The following CYP2W1 variants were observed in gnomAD, a reference collection of about 807,000 sequenced individuals.
CYP2W1 encodes cytochrome P450 2W1.
Under a neutral mutation model 44.9 loss-of-function variants are expected in CYP2W1, and 51 were observed. That is an observed-to-expected ratio of 1.14 (90% CI 0.91 to 1.43). CYP2W1 has a LOEUF of 1.43. Among genes scored for constraint, CYP2W1 ranks in the 40% most tolerant of loss-of-function variants. CYP2W1 has a pLI of 0.00. For synonymous variants in CYP2W1, 383 were observed against 338.3 expected (o/e 1.13, Z -1.45); for missense variants, 746 against 700.0 (o/e 1.07, Z -0.74).
At chr7:988,155 G>A in intron 7 of CYP2W1, 122 bp from the exon 8 acceptor site, 1 of 1,209,198 alleles carries the variant, frequency 8.3e-7, no homozygotes, top group South Asian at 1.6e-5. Flanking sequence ...CACCTGCAAG[G>A]TGGGCTAACA....
intron 1 of CYP2W1, among the ~76,000 whole-genome samples, chr7:983,686 G>A (rs534970754): frequency 6.6e-6 from 1 of 152,364 alleles, no homozygotes; most frequent in Non-Finnish European, 1.5e-5. Flanking sequence ...CCCGCAGGAG[G>A]CCAGGCTTAG....
At position 987,667 on chromosome 7, in the gene CYP2W1, G is replaced by A. The variant is rs117050867; in HGVS notation, c.1143+136G>A. On this transcript the variant is annotated intron_variant, in intron 7 of 8. Coordinates refer to ENST00000308919, the MANE Select transcript of CYP2W1 (RefSeq NM_017781.3). Reference sequence around the variant, plus strand: ...TCCCCGACCGGAGGCAATAAAGGGCGTCCAGCCAGGAGCAGGAGGGAGGCA... The same window carrying A: ...TCCCCGACCGGAGGCAATAAAGGGCATCCAGCCAGGAGCAGGAGGGAGGCA... The A allele has an allele frequency of 1.8e-3, 1,565 of 890,748 alleles. 15 individuals carry two copies. In the East Asian group the frequency reaches 0.029, roughly 17 times the overall value. 55.2% of individuals were successfully genotyped at this position (890,748 alleles called of 1,614,324 possible).
intron 8 of CYP2W1, 56 bp from the exon 9 acceptor site, chr7:988,579 T>G: frequency 6.3e-7 from 1 of 1,596,800 alleles, no homozygotes. Context: ...TCCCCACCCC[T>G]CCCCTCCAGG....
chr7:985,411 C>A, intron 4 of CYP2W1, 88 bp downstream of exon 4: 1 of 1,385,016 alleles, frequency 7.2e-7, no homozygotes, highest in Non-Finnish European at 9.7e-7. Flanking sequence ...GTGCTGTCCC[C>A]TCTCAGCTTC....
At chr7:984,908 G>A in intron 2 of CYP2W1, 42 bp from the exon 3 acceptor site, 1 of 1,539,322 alleles carries the variant, frequency 6.5e-7, no homozygotes, top group South Asian at 1.2e-5. Flanking sequence ...GGGCTGGCTG[G>A]GGTGGGAACC....
intron 4 of CYP2W1, 91 bp from the exon 5 acceptor site, chr7:986,533 G>T: frequency 6.8e-7 from 1 of 1,477,288 alleles, no homozygotes; most frequent in Non-Finnish European, 9.3e-7. Flanking sequence ...GTCCCTGGGC[G>T]TGAACACAGC....
intron 4 of CYP2W1, 87 bp downstream of exon 4, chr7:985,410 CCT>C: frequency 7.1e-7 from 1 of 1,403,968 alleles, no homozygotes; most frequent in African/African-American, 1.4e-5. Context: ...AGTGCTGTCC[CCT>C]CTCAGCTTCT....
rs995482917 is a variant in CYP2W1 at position 985,003 on chromosome 7, C to T, written c.391C>T (p.Arg131Cys). ...GAGGGCTGCCCGCCAGTTCACGGTG[C>T]GTGCCCTGCACAGCCTGGGCGTGGG... ...RWRAARQFTVRALHSLGVGRE... is the reference protein window; with the variant it reads ...RWRAARQFTVCALHSLGVGRE... Residue 131 changes from arginine (R) to cysteine (C), a missense_variant, in exon 3 of 9, where the codon CGT becomes TGT. Physicochemically the swap from Arg to Cys is radical, Grantham distance 180. Transcript: ENST00000308919. 4 of 1,611,130 alleles carry T rather than the reference C, an allele frequency of 2.5e-6. No individual in the cohort carries two copies. Among genetic ancestry groups the T allele is most frequent in the African/African-American group, 1.3e-5 (1 of 74,922 alleles).
intron 5 of CYP2W1, 66 bp from the exon 6 acceptor site, chr7:987,041 G>T (rs1045152203): frequency 2.8e-6 from 4 of 1,432,708 alleles, no homozygotes; most frequent in East Asian, 5.1e-5. Context: ...CCAGGGCTGG[G>T]CTGGGTCTGT....
chr7:988,036 CTG>C (rs200069156), intron 7 of CYP2W1, among the ~76,000 whole-genome samples: 1 of 149,420 alleles, frequency 6.7e-6, no homozygotes, highest in African/African-American at 2.6e-5. Flanking sequence ...GGGGTCCCCT[CTG>C]TGTGTCCTGG....
Position 986,611 on chromosome 7 carries a change from G to A in CYP2W1, c.646-13G>A. 1 of 1,612,340 alleles carries A rather than the reference G, an allele frequency of 6.2e-7. No homozygotes were observed. Among genetic ancestry groups the A allele is most frequent in the Non-Finnish European group, 8.5e-7 (1 of 1,179,736 alleles). ...CTGCGTCCTTATCTCCGCTCCTCCT[G>A]CCTCCTGCCCAGCTGTTCAACGTCT... On this transcript the variant is annotated splice_polypyrimidine_tract_variant and intron_variant, in intron 4 of 8. Coordinates refer to ENST00000308919, the MANE Select transcript of CYP2W1 (RefSeq NM_017781.3).
intron 7 of CYP2W1, among the ~76,000 whole-genome samples, chr7:988,001 T>TGGGGGGGTCCCCTCTGTGTCCTG (rs148271054): frequency 8.4e-4 from 46 of 54,938 alleles, no homozygotes; most frequent in African/African-American, 5.2e-3. Context: ...CTGTGTGTCC[T>TGGGGGGGTCCCCTCTGTGTCCTG]GGGGGGTCCC....
rs1848161206 is a variant in CYP2W1, at chr7:984,380, G to T, written c.175-32G>T. ...CCTAAGGGGGGTCTTGTGGGTGAGG[G>T]CTGCCCGGGTGACCCCCGCCATCCC... On this transcript the variant is annotated intron_variant, in intron 1 of 8. Coordinates refer to ENST00000308919, the MANE Select transcript of CYP2W1 (RefSeq NM_017781.3). The T allele has an allele frequency of 1.9e-6, 3 of 1,541,308 alleles. No homozygotes were observed. The African/African-American group carries it at 4.1e-5, about 21-fold the overall frequency.
In CYP2W1 at chr7:988,418, G is replaced by C; in HGVS notation, c.1285G>C (p.Gly429Arg). 1 of 1,612,516 alleles carries C rather than the reference G, an allele frequency of 6.2e-7. No individual in the cohort carries two copies. Among genetic ancestry groups the C allele is most frequent in the Non-Finnish European group, 8.5e-7 (1 of 1,179,810 alleles). ...KREAFLPFSA[G>R]RRVCVGERLA... is the part of the protein sequence containing the mutation. ...GGAGGCCTTCCTGCCTTTCTCTGCA[G>C]GTCAGCAGCCCTCGGGGCCGGGGTG... The change falls in exon 8 of 9, where the codon GGC (glycine) becomes CGC (arginine). Residue 429 changes from glycine to arginine, a missense_variant and splice_region_variant. Coordinates refer to ENST00000308919, the MANE Select transcript of CYP2W1 (RefSeq NM_017781.3).
intron 2 of CYP2W1, among the ~76,000 whole-genome samples, 166 bp downstream of exon 2, chr7:984,740 G>T (rs960939392): frequency 6.6e-6 from 1 of 152,354 alleles, no homozygotes; most frequent in East Asian, 1.9e-4. Flanking sequence ...TGTCCACACA[G>T]CAGGTCAGGT....
At chr7:986,584 G>C (rs1425328514) in intron 4 of CYP2W1, 40 bp from the exon 5 acceptor site, 2 of 1,608,300 alleles carry the variant, frequency 1.2e-6, no homozygotes, top group Non-Finnish European at 1.7e-6. Context: ...GCAGCCCTGG[G>C]GCTGCGTCCT....
At chr7:984,849 A>T in intron 2 of CYP2W1, 101 bp from the exon 3 acceptor site, 1 of 1,444,684 alleles carries the variant, frequency 6.9e-7, no homozygotes, top group Non-Finnish European at 9.3e-7. Flanking sequence ...GGGCCCAGCC[A>T]GTCTCGCTGC....
rs1322821525 is a variant in CYP2W1, at chr7:986,758, CG to C, written c.781del (p.Val261CysfsTer8). 6.2e-7 allele frequency: 1 copy of C among 1,602,922 alleles called. No homozygotes were observed. Among genetic ancestry groups the C allele is most frequent in the Non-Finnish European group, 8.5e-7 (1 of 1,174,782 alleles). On this transcript the variant is annotated frameshift_variant, in exon 5 of 9. Coordinates refer to ENST00000308919, the MANE Select transcript of CYP2W1 (RefSeq NM_017781.3). LOFTEE classifies it high-confidence loss of function. Reference sequence around the variant, plus strand: ...GGCCCCACGTGTGCCCGGGGGACCCCGTGTGCAGCTATGTGGACGCCCTGAT... The same window carrying C: ...GGCCCCACGTGTGCCCGGGGGACCCCTGTGCAGCTATGTGGACGCCCTGAT... ...RRPHVCPGDP[V>X]CSYVDALIQQ...
Position 987,964 on chromosome 7 carries a change from CCT to C in CYP2W1, c.1144-310_1144-309del, listed in dbSNP as rs528360944. ...GGTCCCCTGTGTGTCCTGGGGGTCC[CCT>C]CTGTGTGTCCTGGGGGGGTCCCCTC... On this transcript the variant is annotated intron_variant, in intron 7 of 8. Coordinates refer to ENST00000308919, the MANE Select transcript of CYP2W1 (RefSeq NM_017781.3). 7.8e-3 allele frequency among the ~76,000 whole-genome samples: 1,060 copies of C among 136,294 alleles called. 16 individuals are homozygous for C. The highest frequency in any genetic ancestry group is 0.03 in the African/African-American group (1,005 of 33,628). The allele number at this position is 136,294 out of a possible 152,430, so 89.4% of individuals were successfully genotyped here.
Sources: allele counts gnomAD v4.1 joint callset (sites outside exome capture counted in the v4.1 genomes callset), GRCh38; gene constraint gnomAD v4.1.1; transcripts MANE v1.5; gene names NCBI Gene and HGNC (gene_info 2026-07-23, HGNC 2026-07-21).